The following ABCA1 variants were observed in gnomAD, a reference collection of about 807,000 sequenced individuals.
The protein encoded by ABCA1 is phospholipid-transporting ATPase ABCA1.
ABCA1 carries 133 observed loss-of-function variants against 262.5 expected under a neutral mutation model. The ratio of observed to expected loss-of-function variants is 0.51; its 90% confidence interval spans 0.44 to 0.59. The LOEUF (loss-of-function observed/expected upper bound fraction) is 0.59, where lower values mean the gene tolerates loss of function less well. Ranked by LOEUF, ABCA1 falls within the 20% of genes least tolerant of loss-of-function variation. ABCA1 has a pLI of 0.00. For missense variants in ABCA1, 2,452 were observed against 2,777.5 expected, an observed-to-expected ratio of 0.88 and a Z score of 2.63; for synonymous variants, 1,022 against 1,043.5, an observed-to-expected ratio of 0.98 and a Z score of 0.40.
At position 104,831,712 on chromosome 9, in the gene ABCA1, G is replaced by A; in HGVS notation, c.1625C>T (p.Thr542Ile). Residue 542 changes from threonine (T) to isoleucine (I), a missense_variant, in exon 13 of 50, where the codon ACT becomes ATT. Coordinates refer to ENST00000374736, the MANE Select transcript of ABCA1 (RefSeq NM_005502.4). ...FWAGIVFTGI[T>I]PGSIELPHHV... is the part of the protein sequence containing the mutation. ...ATGGGGCAGCTCAATGCTGCCTGGA[G>A]TAATTCCAGTGAACACAATACCAGC... 6.2e-7 allele frequency: 1 copy of A among 1,614,174 alleles called. No homozygotes were observed. The highest frequency in any genetic ancestry group is 8.5e-7 in the Non-Finnish European group (1 of 1,180,018).
chr9:104,852,754 T>C (rs1835481981), intron 7 of ABCA1, among the ~76,000 whole-genome samples: 1 of 152,136 alleles, frequency 6.6e-6, no homozygotes, highest in African/African-American at 2.4e-5. Flanking sequence ...AGAAAGCAAG[T>C]AAACAGGTGG....
rs780742201 is a variant in ABCA1 at position 104,825,888 on chromosome 9, CTG to C, written c.2338-3_2338-2del. 148 of 1,613,842 alleles carry C rather than the reference CTG, an allele frequency of 9.2e-5. No individual in the cohort carries two copies. Among genetic ancestry groups the C allele is most frequent in the Non-Finnish European group, 1.2e-4 (142 of 1,180,020 alleles). The stretch of plus-strand genomic sequence containing the variant: ...CAAAAGCCACAGGAGACAGCAGGCT[CTG>C]TGAGAAACAGGCAAAGTCACCTATC... On this transcript the variant is annotated splice_acceptor_variant and splice_polypyrimidine_tract_variant and intron_variant, in intron 16 of 49. Transcript: ENST00000374736. LOFTEE classifies it high-confidence loss of function.
intron 2 of ABCA1, among the ~76,000 whole-genome samples, chr9:104,900,352 C>A (rs961569311): frequency 6.6e-6 from 1 of 152,330 alleles, no homozygotes; most frequent in South Asian, 2.1e-4. Flanking sequence ...GGGCCAGGCT[C>A]TGTGCTGGGC....
In ABCA1 at chr9:104,855,752, C is replaced by T. The variant is rs570594560; in HGVS notation, c.720+2770G>A. 5.2e-6 allele frequency: 8 copies of T among 1,550,654 alleles called. No individual in the cohort carries two copies. The African/African-American group carries it at 5.5e-5, about 11-fold the overall frequency. ...TCAATGCTGGTAAAATATTCAAATG[C>T]AATATTCAAACCCAGACCCAGCTGA... On this transcript the variant is annotated intron_variant, in intron 7 of 49. Coordinates refer to ENST00000374736, the MANE Select transcript of ABCA1 (RefSeq NM_005502.4).
intron 20 of ABCA1, among the ~76,000 whole-genome samples, chr9:104,820,473 G>T (rs1473825307): frequency 6.6e-6 from 1 of 152,152 alleles, no homozygotes; most frequent in South Asian, 2.1e-4. Flanking sequence ...TGAAAGCGGG[G>T]AGGACCCTGC....
intron 16 of ABCA1, among the ~76,000 whole-genome samples, chr9:104,826,422 G>A (rs1173408634): frequency 1.3e-5 from 2 of 152,316 alleles, no homozygotes; most frequent in Middle Eastern, 3.4e-3. Flanking sequence ...TGCTCTGTAC[G>A]AGGGAAGGAA....
intron 14 of ABCA1, among the ~76,000 whole-genome samples, chr9:104,830,172 A>G (rs1450611765): frequency 6.6e-6 from 1 of 152,234 alleles, no homozygotes; most frequent in Non-Finnish European, 1.5e-5. Flanking sequence ...GATTTTCTAA[A>G]AAGTCTAAGA....
chr9:104,850,345 CT>C (rs1429725722), intron 7 of ABCA1, among the ~76,000 whole-genome samples: 1 of 152,220 alleles, frequency 6.6e-6, no homozygotes, highest in Non-Finnish European at 1.5e-5. Flanking sequence ...TGGTCTCCAA[CT>C]CCTGACCTCC....
At chr9:104,828,626 C>T (rs1223556799) in intron 15 of ABCA1, among the ~76,000 whole-genome samples, 2 of 152,132 alleles carry the variant, frequency 1.3e-5, no homozygotes, top group Non-Finnish European at 2.9e-5. Flanking sequence ...TGCCATGAAC[C>T]ACTACCAATG....
intron 34 of ABCA1, among the ~76,000 whole-genome samples, chr9:104,801,219 T>G (rs528871191): frequency 6.6e-6 from 1 of 152,256 alleles, no homozygotes; most frequent in African/African-American, 2.4e-5. Flanking sequence ...TAAACCTGGT[T>G]GTTCTGAGAG....
chr9:104,840,061 T>A (rs55874167), intron 9 of ABCA1, among the ~76,000 whole-genome samples: 1 of 152,182 alleles, frequency 6.6e-6, no homozygotes, highest in Admixed American at 6.5e-5. Context: ...TGATAAACAC[T>A]ACTGTGCACC....
chr9:104,923,441 C>T (rs1842256438), intron 1 of ABCA1, among the ~76,000 whole-genome samples: 1 of 152,184 alleles, frequency 6.6e-6, no homozygotes, highest in South Asian at 2.1e-4. Context: ...GTTGCAATCC[C>T]TACGCAACCA....
intron 8 of ABCA1, among the ~76,000 whole-genome samples, chr9:104,843,251 C>A (rs911837509): frequency 2.0e-5 from 3 of 152,208 alleles, no homozygotes; most frequent in Non-Finnish European, 4.4e-5. Flanking sequence ...GTGTTCACTG[C>A]TGAGTCCTCA....
At chr9:104,787,217 A>G (rs1228486017) in intron 46 of ABCA1, among the ~76,000 whole-genome samples, 3 of 152,196 alleles carry the variant, frequency 2.0e-5, no homozygotes, top group Non-Finnish European at 4.4e-5. Flanking sequence ...ATGTAATTAA[A>G]TTTCTCCAAA....
chr9:104,886,539 T>A lies in ABCA1; in HGVS notation c.161-1971A>T, dbSNP rs1376829177. On this transcript the variant is annotated intron_variant, in intron 3 of 49. Coordinates refer to ENST00000374736, the MANE Select transcript of ABCA1 (RefSeq NM_005502.4). ...GCTGCTCTTCATTCAGGGAGATTTA[T>A]GTAACCCAACCAAATACTCAAAGGA... Among the ~76,000 whole-genome samples the A allele has an allele frequency of 2.0e-5, 3 of 152,240 alleles. No individual in the cohort carries two copies. In the South Asian group the frequency reaches 6.2e-4, roughly 31 times the overall value.
chr9:104,851,496 C>G lies in ABCA1; in HGVS notation c.721-5927G>C, dbSNP rs978932864. Among the ~76,000 whole-genome samples the G allele has an allele frequency of 2.0e-5, 3 of 152,206 alleles. No homozygotes were observed. The South Asian group carries it at 6.2e-4, about 31-fold the overall frequency. ...TAAATGCCACCTTCTCTTCCCTCTCCTCTCTGGACCAATGCATATACTATG... is the reference window on the plus strand; with the variant it reads ...TAAATGCCACCTTCTCTTCCCTCTCGTCTCTGGACCAATGCATATACTATG... On this transcript the variant is annotated intron_variant, in intron 7 of 49. Coordinates refer to ENST00000374736, the MANE Select transcript of ABCA1 (RefSeq NM_005502.4).
At chr9:104,823,995 G>C (rs1832601045) in intron 18 of ABCA1, among the ~76,000 whole-genome samples, 1 of 152,206 alleles carries the variant, frequency 6.6e-6, no homozygotes, top group African/African-American at 2.4e-5. Flanking sequence ...GCAGTTAAGA[G>C]CCAAGAGAGG....
Position 104,798,465 on chromosome 9 carries a change from C to T in ABCA1, c.5077G>A (p.Val1693Met). The T allele has an allele frequency of 6.2e-7, 1 of 1,614,206 alleles. No individual in the cohort carries two copies. Among genetic ancestry groups the T allele is most frequent in the South Asian group, 1.1e-5 (1 of 91,080 alleles). Residue 1693 changes from valine (V) to methionine (M), a missense_variant, in exon 37 of 50, where the codon GTG becomes ATG. Physicochemically the swap from Val to Met is conservative, Grantham distance 21 (BLOSUM62 1). Transcript: ENST00000374736. Reference sequence around the variant, plus strand: ...GAGAGCCAGTAGATGACAGGCTTCACTCCACTGATGAACTGCAGGTGTTTT... The same window carrying T: ...GAGAGCCAGTAGATGACAGGCTTCATTCCACTGATGAACTGCAGGTGTTTT... Reference protein sequence around the residue: ...KAKHLQFISGVKPVIYWLSNF... With the variant: ...KAKHLQFISGMKPVIYWLSNF...
At chr9:104,860,679 C>T (rs184264726) in intron 6 of ABCA1, among the ~76,000 whole-genome samples, 2 of 151,764 alleles carry the variant, frequency 1.3e-5, no homozygotes, top group South Asian at 4.2e-4. Flanking sequence ...AATAATGATG[C>T]CAGAGGAAGT....
Sources: gnomAD v4.1 joint callset for allele counts (sites outside exome capture counted in the v4.1 genomes callset) on GRCh38, gnomAD v4.1.1 for gene constraint, MANE v1.5 for transcripts, NCBI Gene and HGNC (gene_info 2026-07-23, HGNC 2026-07-21) for gene names.